The following DENND1B variants were observed in gnomAD, a reference collection of about 807,000 sequenced individuals.
DENND1B encodes DENN domain-containing protein 1B.
A neutral mutation model predicts 90.1 loss-of-function variants in DENND1B; 59 were observed. That is an observed-to-expected ratio of 0.65 (90% CI 0.53 to 0.81). The LOEUF is 0.81. Among genes scored for constraint, DENND1B ranks in the 40% least tolerant of loss-of-function variants. The probability of loss-of-function intolerance (pLI) is 0.00; values close to 1 mark genes in which losing one functional copy is unlikely to be tolerated. For missense variants in DENND1B, 862 were observed against 912.6 expected, an observed-to-expected ratio of 0.94 and a Z score of 0.71; for synonymous variants, 337 against 324.6, an observed-to-expected ratio of 1.04 and a Z score of -0.41.
intron 7 of DENND1B, among the ~76,000 whole-genome samples, chr1:197,647,333 G>A (rs1466492409): frequency 6.6e-6 from 1 of 152,044 alleles, no homozygotes; most frequent in Non-Finnish European, 1.5e-5. Context: ...AGTAGAGAAT[G>A]CTGTGGATAT....
At chr1:197,759,365 C>A (rs1654723422) in intron 2 of DENND1B, among the ~76,000 whole-genome samples, 1 of 148,622 alleles carries the variant, frequency 6.7e-6, no homozygotes, top group Non-Finnish European at 1.5e-5. Flanking sequence ...AAATTAGGAA[C>A]TAAAGAATTA....
At chr1:197,656,553 T>C (rs1168375824) in intron 6 of DENND1B, among the ~76,000 whole-genome samples, 1 of 152,008 alleles carries the variant, frequency 6.6e-6, no homozygotes, top group Non-Finnish European at 1.5e-5. Context: ...CCAGGCTTGG[T>C]AGATGGGAAG....
chr1:197,728,447 G>A (rs528537648), intron 2 of DENND1B, among the ~76,000 whole-genome samples: 8 of 152,236 alleles, frequency 5.3e-5, no homozygotes, highest in Non-Finnish European at 4.4e-5. Flanking sequence ...TTTTCCCAAT[G>A]ACTTGATTAC....
chr1:197,593,071 G>GACCTTTTATATAA (rs1675377622), intron 14 of DENND1B, among the ~76,000 whole-genome samples: 1 of 151,774 alleles, frequency 6.6e-6, no homozygotes, highest in Admixed American at 6.6e-5. Flanking sequence ...TCTAAGTAAA[G>GACCTTTTATATAA]AGAGAAGACA....
At chr1:197,610,001 A>G (rs1230619967) in intron 12 of DENND1B, among the ~76,000 whole-genome samples, 1 of 150,726 alleles carries the variant, frequency 6.6e-6, no homozygotes, top group African/African-American at 2.4e-5. Flanking sequence ...GCATAACAAG[A>G]ATGAAATTTG....
chr1:197,643,922 A>G (rs1419003860), intron 9 of DENND1B, among the ~76,000 whole-genome samples: 1 of 152,212 alleles, frequency 6.6e-6, no homozygotes, highest in Non-Finnish European at 1.5e-5. Context: ...TAACAAACAA[A>G]AACTGTAGCA....
At chr1:197,543,865 A>G (rs550908682) in intron 18 of DENND1B, among the ~76,000 whole-genome samples, 3 of 152,188 alleles carry the variant, frequency 2.0e-5, no homozygotes, top group Non-Finnish European at 4.4e-5. Context: ...TAACTCAAGG[A>G]ATAACAGAAG....
At chr1:197,658,806 G>C (rs1345766291) in intron 5 of DENND1B, among the ~76,000 whole-genome samples, 1 of 150,972 alleles carries the variant, frequency 6.6e-6, no homozygotes, top group Non-Finnish European at 1.5e-5. Context: ...CTTCAGAAAT[G>C]ATGTTTAAGA....
At chr1:197,550,049 C>T (rs1005974359) in intron 16 of DENND1B, among the ~76,000 whole-genome samples, 1 of 152,050 alleles carries the variant, frequency 6.6e-6, no homozygotes, top group Non-Finnish European at 1.5e-5. Flanking sequence ...ACTACTACTG[C>T]AATGATAAAG....
At chr1:197,766,808 G>C (rs1050684604) in intron 2 of DENND1B, among the ~76,000 whole-genome samples, 3 of 151,792 alleles carry the variant, frequency 2.0e-5, no homozygotes, top group Non-Finnish European at 2.9e-5. Flanking sequence ...TTATTTTTTA[G>C]AGATAGAGTC....
chr1:197,545,631 G>A (rs1670756261), intron 18 of DENND1B: 1 of 275,642 alleles, frequency 3.6e-6, no homozygotes, highest in Non-Finnish European at 6.7e-6. Flanking sequence ...ATGAAATAAT[G>A]ACATTTTACA....
In DENND1B at chr1:197,595,395, C is replaced by CCCAA. The variant is rs1675595216; in HGVS notation, c.922-66_922-63dup. On this transcript the variant is annotated intron_variant, in intron 13 of 22. Transcript: ENST00000620048. The stretch of plus-strand genomic sequence containing the variant: ...AGAAATTGGTACAGCGAGGTAGGAA[C>CCCAA]CCAATCAGCAGGCAAACCACAGTGT... The CCCAA allele has an allele frequency of 3.4e-5, 54 of 1,581,268 alleles. No individual in the cohort carries two copies. In the South Asian group the frequency reaches 6.0e-4, roughly 17 times the overall value.
chr1:197,667,407 A>G (rs1655048486), intron 5 of DENND1B, among the ~76,000 whole-genome samples: 1 of 151,972 alleles, frequency 6.6e-6, no homozygotes, highest in Non-Finnish European at 1.5e-5. Context: ...AAACTGTCCC[A>G]TTCCCATTCT....
intron 16 of DENND1B, 176 bp downstream of exon 16, chr1:197,552,846 T>C (rs1460356585): frequency 5.9e-6 from 8 of 1,366,240 alleles, no homozygotes; most frequent in Non-Finnish European, 7.5e-6. Flanking sequence ...GTAACAGGTA[T>C]CAGGCAAAAT....
intron 20 of DENND1B, among the ~76,000 whole-genome samples, chr1:197,530,608 C>G (rs987468858): frequency 1.8e-4 from 27 of 152,142 alleles, no homozygotes; most frequent in African/African-American, 6.5e-4. Flanking sequence ...GTCCTAACTA[C>G]TTTAGTGATT....
Position 197,597,361 on chromosome 1 carries a change from T to C in DENND1B, c.922-2028A>G, listed in dbSNP as rs556815389. On this transcript the variant is annotated intron_variant, in intron 13 of 22. Transcript: ENST00000620048. The stretch of plus-strand genomic sequence containing the variant: ...AAAAAAGATTACGATGTAAGGAATA[T>C]GATTCCAGTCTTTTTAAAGTATTAT... Among the ~76,000 whole-genome samples the C allele has an allele frequency of 3.9e-4, 59 of 151,854 alleles. 1 individual carries two copies. Among genetic ancestry groups the C allele is most frequent in the African/African-American group, 1.3e-3 (56 of 41,518 alleles).
At chr1:197,601,279 G>A (rs1332098637) in intron 13 of DENND1B, among the ~76,000 whole-genome samples, 1 of 151,588 alleles carries the variant, frequency 6.6e-6, no homozygotes, top group South Asian at 2.1e-4. Context: ...TCTGTTCCAT[G>A]CACAATTCTA....
Position 197,727,490 on chromosome 1 carries a change from G to A in DENND1B, c.83-12416C>T, listed in dbSNP as rs867690537. The stretch of plus-strand genomic sequence containing the variant: ...GCGGAGCTTGCAGTGAGCCAAGATC[G>A]CGCCACTGCACTCCAGCCTGGGAGA... On this transcript the variant is annotated intron_variant, in intron 2 of 22. Transcript: ENST00000620048. Among the ~76,000 whole-genome samples, 12 of 150,696 alleles carry A rather than the reference G, an allele frequency of 8.0e-5. No homozygotes were observed. In the Middle Eastern group the frequency reaches 0.017, roughly 217 times the overall value.
At chr1:197,600,580 T>G (rs1198853915) in intron 13 of DENND1B, among the ~76,000 whole-genome samples, 2 of 151,802 alleles carry the variant, frequency 1.3e-5, no homozygotes, top group African/African-American at 4.8e-5. Context: ...TACCTCTTAA[T>G]TGTTATACAA....
Sources: gnomAD v4.1 joint callset for allele counts (sites outside exome capture counted in the v4.1 genomes callset) on GRCh38, gnomAD v4.1.1 for gene constraint, MANE v1.5 for transcripts, NCBI Gene and HGNC (gene_info 2026-07-23, HGNC 2026-07-21) for gene names.